DNAH7: variants seen among roughly 807,000 people sequenced by gnomAD.
DNAH7 encodes dynein axonemal heavy chain 7.
Under a neutral mutation model 444.6 loss-of-function variants are expected in DNAH7, and 397 were observed. The ratio of observed to expected loss-of-function variants is 0.89; its 90% CI spans 0.82 to 0.97. The LOEUF (loss-of-function observed/expected upper bound fraction) is 0.97. Ranked by LOEUF, DNAH7 falls within the 50% of genes least tolerant of loss-of-function variation. The probability of loss-of-function intolerance (pLI) is 0.00; values close to 1 mark genes in which losing one functional copy is unlikely to be tolerated. For missense variants in DNAH7, 4,902 were observed against 4,800.8 expected, an observed-to-expected ratio of 1.02 and a Z score of -0.62; for synonymous variants, 1,636 against 1,624.4, an observed-to-expected ratio of 1.01 and a Z score of -0.17.
chr2:196,004,962 CAAAAAAAAAA>C (rs60564090), intron 10 of DNAH7, among the ~76,000 whole-genome samples: 2 of 63,692 alleles, frequency 3.1e-5, no homozygotes, highest in Admixed American at 3.9e-4. Context: ...GGCCTTGTGT[CAAAAAAAAAA>C]AAAAAAAAAA....
chr2:195,923,701 A>G lies in DNAH7; in HGVS notation c.3719T>C (p.Val1240Ala), dbSNP rs369585250. 6.2e-7 allele frequency: 1 copy of G among 1,614,156 alleles called. No homozygotes were observed. Among genetic ancestry groups the G allele is most frequent in the Admixed American group, 1.7e-5 (1 of 60,022 alleles). ...ATCTCTAGCATGGACATCCAGTACC[A>G]CAAGTGCTCCCAGAGTTACGCGATT... ...MQNRVTLGALVVLDVHARDVL... is the reference protein window; with the variant it reads ...MQNRVTLGALAVLDVHARDVL... The change falls in exon 23 of 65, where the codon GTG becomes GCG. Residue 1240 changes from valine to alanine, a missense_variant. Transcript: ENST00000312428.
intron 1 of DNAH7, among the ~76,000 whole-genome samples, chr2:196,059,400 G>A (rs1199317006): frequency 6.6e-6 from 1 of 152,184 alleles, no homozygotes; most frequent in Non-Finnish European, 1.5e-5. Flanking sequence ...TTGTGCTTCT[G>A]GCCAGTTGTC....
At chr2:195,843,480 TAC>T (rs1698805486) in intron 47 of DNAH7, among the ~76,000 whole-genome samples, 1 of 152,218 alleles carries the variant, frequency 6.6e-6, no homozygotes, top group African/African-American at 2.4e-5. Context: ...TCTCTTTAAC[TAC>T]AGTTTACTTG....
chr2:196,017,288 C>T (rs758864505), intron 9 of DNAH7, among the ~76,000 whole-genome samples: 12 of 152,294 alleles, frequency 7.9e-5, no homozygotes, highest in East Asian at 1.9e-4. Context: ...GCTGGAAGTA[C>T]GGGCGTGAGC....
chr2:196,029,932 A>G (rs1259536248), intron 5 of DNAH7, among the ~76,000 whole-genome samples: 1 of 152,112 alleles, frequency 6.6e-6, no homozygotes, highest in Non-Finnish European at 1.5e-5. Context: ...CCCTTTTTTA[A>G]ATTGCCCTGA....
intron 38 of DNAH7, among the ~76,000 whole-genome samples, chr2:195,875,010 TAGTC>T (rs1434324423): frequency 1.6e-4 from 24 of 151,994 alleles, no homozygotes; most frequent in African/African-American, 2.7e-4. Context: ...TTGAAGAAAA[TAGTC>T]AGGAAGAAAA....
intron 19 of DNAH7, among the ~76,000 whole-genome samples, chr2:195,942,435 T>TGAAGAGGAGGAAGAGGAAAAAG (rs1314513688): frequency 6.4e-5 from 9 of 140,316 alleles, no homozygotes; most frequent in African/African-American, 1.9e-4. Flanking sequence ...AGGAAGAAGA[T>TGAAGAGGAGGAAGAGGAAAAAG]GAAGAGGAGG....
intron 5 of DNAH7, among the ~76,000 whole-genome samples, chr2:196,031,520 G>A (rs1472579724): frequency 6.6e-6 from 1 of 152,110 alleles, no homozygotes; most frequent in African/African-American, 2.4e-5. Context: ...CGTATCGTCA[G>A]GCTGCAAATT....
chr2:195,934,837 C>A (rs1688943190), intron 20 of DNAH7, 48 bp from the exon 21 acceptor site: 2 of 1,589,072 alleles, frequency 1.3e-6, no homozygotes, highest in South Asian at 1.1e-5. Context: ...TAAAACAATT[C>A]TTTACACTCC....
chr2:195,816,712 A>C lies in DNAH7; in HGVS notation c.9677T>G (p.Met3226Arg), dbSNP rs757940012. The change falls in exon 51 of 65, where the codon ATG becomes AGG. Residue 3226 changes from methionine (M) to arginine (R), a missense_variant. Physicochemically the swap from Met to Arg is moderately conservative, Grantham distance 91. Coordinates refer to ENST00000312428, the MANE Select transcript of DNAH7 (RefSeq NM_018897.3). Reference protein sequence around the residue: ...SLADLANIEPMYQYSLTWFIN... With the variant: ...SLADLANIEPRYQYSLTWFIN... ...AAACCAGGTCAGTGAATACTGGTACATGGGCTCAATGTTGGCTAAATCAGC... is the reference window on the plus strand; with the variant it reads ...AAACCAGGTCAGTGAATACTGGTACCTGGGCTCAATGTTGGCTAAATCAGC... 8.1e-6 allele frequency: 13 copies of C among 1,614,082 alleles called. No individual in the cohort carries two copies. Among genetic ancestry groups the C allele is most frequent in the East Asian group, 2.2e-5 (1 of 44,882 alleles).
At chr2:195,916,152 GACTTAAATGTAAA>G (rs757695261) in intron 24 of DNAH7, among the ~76,000 whole-genome samples, 2 of 152,120 alleles carry the variant, frequency 1.3e-5, no homozygotes, top group African/African-American at 2.4e-5. Flanking sequence ...ATGGATCACA[GACTTAAATGTAAA>G]ACTTAAAACT....
chr2:196,017,263 T>C (rs1004795397), intron 9 of DNAH7, among the ~76,000 whole-genome samples: 16 of 152,142 alleles, frequency 1.1e-4, no homozygotes, highest in Non-Finnish European at 2.1e-4. Context: ...TCCACCCACC[T>C]CGGCTTCCCA....
At chr2:196,035,965 C>T (rs1280692550) in intron 5 of DNAH7, among the ~76,000 whole-genome samples, 1 of 151,810 alleles carries the variant, frequency 6.6e-6, no homozygotes, top group African/African-American at 2.4e-5. Flanking sequence ...ATTTTGAGAG[C>T]AGAGCCAACA....
chr2:196,014,051 G>A (rs934163388), intron 9 of DNAH7, among the ~76,000 whole-genome samples: 2 of 152,158 alleles, frequency 1.3e-5, no homozygotes, highest in Non-Finnish European at 2.9e-5. Context: ...TTTTGAGATT[G>A]AAAGGTTTTA....
intron 19 of DNAH7, among the ~76,000 whole-genome samples, chr2:195,945,969 G>T (rs1689775175): frequency 6.6e-6 from 1 of 152,152 alleles, no homozygotes; most frequent in Non-Finnish European, 1.5e-5. Context: ...GGGGGCCCAA[G>T]AGAGTCCCTA....
rs34903739 is a variant in DNAH7, at chr2:195,917,101, CAA to C, written c.3935+4985_3935+4986del. Among the ~76,000 whole-genome samples, 339 of 53,356 alleles carry C rather than the reference CAA, an allele frequency of 6.4e-3. 1 individual carries two copies. The highest frequency in any genetic ancestry group is 9.8e-3 in the Middle Eastern group (1 of 102). The allele number at this position is 53,356 out of a possible 152,430, so 35.0% of individuals were successfully genotyped here. ...TGGGCAACAGAGTGAGACTCCACCTCAAAAAAAAAAAAAAAAAAAAAAGATTG... is the reference window on the plus strand; with the variant it reads ...TGGGCAACAGAGTGAGACTCCACCTCAAAAAAAAAAAAAAAAAAAAGATTG... On this transcript the variant is annotated intron_variant, in intron 24 of 64. Coordinates refer to ENST00000312428, the MANE Select transcript of DNAH7 (RefSeq NM_018897.3).
Position 195,960,560 on chromosome 2 carries a change from G to T in DNAH7, c.2591C>A (p.Pro864His). 1 of 1,614,218 alleles carries T rather than the reference G, an allele frequency of 6.2e-7. No individual in the cohort carries two copies. Among genetic ancestry groups the T allele is most frequent in the South Asian group, 1.1e-5 (1 of 91,080 alleles). The change falls in exon 18 of 65, where the codon CCT becomes CAT. Residue 864 changes from proline to histidine, a missense_variant. Coordinates refer to ENST00000312428, the MANE Select transcript of DNAH7 (RefSeq NM_018897.3). Reference sequence around the variant, plus strand: ...TGTGGAGTCATCTGATGGCTGCAAAGGGTAACCAACAATGGCAGACATGGC... The same window carrying T: ...TGTGGAGTCATCTGATGGCTGCAAATGGTAACCAACAATGGCAGACATGGC... ...WEAMSAIVGY[P>H]LQPSDDSTVS...
chr2:196,060,454 T>C (rs556196344), intron 1 of DNAH7, among the ~76,000 whole-genome samples: 23 of 152,278 alleles, frequency 1.5e-4, no homozygotes, highest in African/African-American at 2.4e-4. Context: ...GTTTCCCTTA[T>C]AGAGGCCAAG....
chr2:196,045,601 CAT>C (rs977653786), intron 5 of DNAH7, among the ~76,000 whole-genome samples: 5 of 151,920 alleles, frequency 3.3e-5, no homozygotes, highest in African/African-American at 1.2e-4. Flanking sequence ...ACAATAATCA[CAT>C]AGAAAATACA....
Sources: allele counts gnomAD v4.1 joint callset (sites outside exome capture counted in the v4.1 genomes callset), GRCh38; gene constraint gnomAD v4.1.1; transcripts MANE v1.5; gene names NCBI Gene and HGNC (gene_info 2026-07-23, HGNC 2026-07-21).